Variants in CFTR observed in about 807,000 individuals in gnomAD.
CFTR encodes CF transmembrane conductance regulator, also known as cystic fibrosis transmembrane conductance regulator.
CFTR carries 181 observed loss-of-function variants against 171.6 expected under a neutral mutation model. The observed-to-expected ratio is 1.05, with a 90% CI of 0.93 to 1.19. The LOEUF is 1.19. Ranked by LOEUF, CFTR falls within the 50% of genes most tolerant of loss-of-function variation. CFTR has a pLI of 0.00. For missense variants in CFTR, 1,968 were observed against 1,734.7 expected (o/e 1.13, Z -2.39); for synonymous variants, 583 against 608.0 (o/e 0.96, Z 0.60).
intron 24 of CFTR, among the ~76,000 whole-genome samples, chr7:117,653,609 A>C (rs1334232135): frequency 1.3e-5 from 2 of 152,006 alleles, no homozygotes; most frequent in Non-Finnish European, 2.9e-5. Context: ...TTAACATATG[A>C]ATTTGAGGAG....
chr7:117,607,007 T>C (rs1792310135), intron 18 of CFTR, among the ~76,000 whole-genome samples: 1 of 152,034 alleles, frequency 6.6e-6, no homozygotes, highest in Non-Finnish European at 1.5e-5. Flanking sequence ...TTGGGAGTGA[T>C]TTGAGAGGCA....
Position 117,483,768 on chromosome 7 carries a change from C to A in CFTR, c.53+3621C>A, listed in dbSNP as rs947471808. ...TTTTTAAGTTATATAGAGACAGTAT[C>A]TCACTATGTTGCCCAGGCTGCTCTT... On this transcript the variant is annotated intron_variant, in intron 1 of 26. Transcript: ENST00000003084. Among the ~76,000 whole-genome samples the A allele has an allele frequency of 2.0e-5, 3 of 151,836 alleles. No homozygotes were observed. The East Asian group carries it at 5.8e-4, about 30-fold the overall frequency.
rs116765627 is a variant in CFTR at position 117,655,884 on chromosome 7, A to G, written c.3963+2953A>G. Among the ~76,000 whole-genome samples the G allele has an allele frequency of 1.3e-3, 203 of 152,266 alleles. 1 individual carries two copies. The highest frequency in any genetic ancestry group is 4.7e-3 in the African/African-American group (194 of 41,550). ...TCTCACTGTGTTGTTACATGGCAGA[A>G]GAGTGGGCAGGCTAGCTCTCTGGGA... On this transcript the variant is annotated intron_variant, in intron 24 of 26. Transcript: ENST00000003084.
At chr7:117,624,452 T>A (rs913426788) in intron 21 of CFTR, among the ~76,000 whole-genome samples, 2 of 152,192 alleles carry the variant, frequency 1.3e-5, no homozygotes, top group Non-Finnish European at 2.9e-5. Flanking sequence ...TATCAAGCCA[T>A]CTGTGCATAG....
chr7:117,613,435 ACTAT>A (rs1792435499), intron 20 of CFTR, among the ~76,000 whole-genome samples: 1 of 152,148 alleles, frequency 6.6e-6, no homozygotes, highest in African/African-American at 2.4e-5. Flanking sequence ...ACATTAATTA[ACTAT>A]CTAAGCCCCT....
intron 11 of CFTR, among the ~76,000 whole-genome samples, chr7:117,567,964 G>C (rs1791629987): frequency 6.6e-6 from 1 of 152,188 alleles, no homozygotes; most frequent in South Asian, 2.1e-4. Flanking sequence ...GCTGAGAGAG[G>C]ATGGATAAAC....
At position 117,664,738 on chromosome 7, in the gene CFTR, C is replaced by T; in HGVS notation, c.4014C>T (p.Val1338=). 1.2e-6 allele frequency: 2 copies of T among 1,613,974 alleles called. No individual in the cohort carries two copies. Among genetic ancestry groups the T allele is most frequent in the South Asian group, 2.2e-5 (2 of 91,084 alleles). The part of the protein sequence containing the change: ...IEQFPGKLDF[V]LVDGGCVLSH... Reference sequence around the variant, plus strand: ...AGTTTCCTGGGAAGCTTGACTTTGTCCTTGTGGATGGGGGCTGTGTCCTAA... The same window carrying T: ...AGTTTCCTGGGAAGCTTGACTTTGTTCTTGTGGATGGGGGCTGTGTCCTAA... The change falls in exon 25 of 27, where the codon GTC becomes GTT. Residue 1338 remains valine (V), a synonymous_variant. Coordinates refer to ENST00000003084, the MANE Select transcript of CFTR (RefSeq NM_000492.4).
Position 117,531,040 on chromosome 7 carries a change from C to G in CFTR, c.415C>G (p.His139Asp). 1 of 1,613,796 alleles carries G rather than the reference C, an allele frequency of 6.2e-7. No individual in the cohort carries two copies. Among genetic ancestry groups the G allele is most frequent in the Non-Finnish European group, 8.5e-7 (1 of 1,179,836 alleles). ...CTTTATTGTGAGGACACTGCTCCTA[C>G]ACCCAGCCATTTTTGGCCTTCATCA... Reference protein sequence around the residue: ...LLFIVRTLLLHPAIFGLHHIG... With the variant: ...LLFIVRTLLLDPAIFGLHHIG... Residue 139 changes from histidine (H) to aspartate (D), a missense_variant, in exon 4 of 27, where the codon CAC (histidine) becomes GAC (aspartate). Physicochemically the swap from His to Asp is moderately conservative, Grantham distance 81. Coordinates refer to ENST00000003084, the MANE Select transcript of CFTR (RefSeq NM_000492.4).
At chr7:117,494,952 C>T (rs901092573) in intron 1 of CFTR, among the ~76,000 whole-genome samples, 6 of 152,072 alleles carry the variant, frequency 3.9e-5, no homozygotes, top group African/African-American at 9.7e-5. Flanking sequence ...ACCGTGATGA[C>T]GTTTTGACAG....
chr7:117,559,465 C>T lies in CFTR; in HGVS notation c.1394C>T (p.Thr465Ile). ...AATAATGATGGGTTTTATTTCCAGA[C>T]TTCACTTCTAATGGTGATTATGGGA... ...AVAGSTGAGK[T>I]SLLMVIMGEL... Residue 465 changes from threonine (T) to isoleucine (I), a missense_variant and splice_region_variant, in exon 11 of 27, where the codon ACT becomes ATT. Transcript: ENST00000003084. 1 of 1,596,422 alleles carries T rather than the reference C, an allele frequency of 6.3e-7. No individual in the cohort carries two copies. Among genetic ancestry groups the T allele is most frequent in the Non-Finnish European group, 8.6e-7 (1 of 1,164,550 alleles).
At chr7:117,532,732 T>C (rs762908760) in intron 4 of CFTR, among the ~76,000 whole-genome samples, 1 of 152,172 alleles carries the variant, frequency 6.6e-6, no homozygotes, top group Non-Finnish European at 1.5e-5. Flanking sequence ...ATTGTATCTG[T>C]CTTCCTTTCT....
chr7:117,484,873 T>A (rs1798047483), intron 1 of CFTR, among the ~76,000 whole-genome samples: 1 of 152,110 alleles, frequency 6.6e-6, no homozygotes, highest in African/African-American at 2.4e-5. Flanking sequence ...CTTATATACT[T>A]ATAAGGAATA....
chr7:117,596,374 C>T (rs1792125510), intron 15 of CFTR, among the ~76,000 whole-genome samples: 1 of 152,252 alleles, frequency 6.6e-6, no homozygotes, highest in Non-Finnish European at 1.5e-5. Flanking sequence ...CCTGCCATGC[C>T]TGAGCCTCCC....
At chr7:117,631,337 G>T (rs931005462) in intron 22 of CFTR, among the ~76,000 whole-genome samples, 2 of 152,046 alleles carry the variant, frequency 1.3e-5, no homozygotes, top group South Asian at 4.2e-4. Flanking sequence ...AAATACAGGT[G>T]AATAACATCC....
intron 21 of CFTR, among the ~76,000 whole-genome samples, chr7:117,625,795 T>C (rs563777167): frequency 1.3e-5 from 2 of 152,270 alleles, no homozygotes; most frequent in South Asian, 4.1e-4. Flanking sequence ...TCAATAGTAG[T>C]TGTAATTTTA....
intron 24 of CFTR, among the ~76,000 whole-genome samples, chr7:117,660,654 T>C (rs1046251472): frequency 6.6e-6 from 1 of 150,438 alleles, no homozygotes; most frequent in African/African-American, 2.5e-5. Flanking sequence ...AAAGATTATA[T>C]TGGGGATATA....
intron 1 of CFTR, among the ~76,000 whole-genome samples, chr7:117,486,073 A>C (rs1379388820): frequency 1.3e-5 from 2 of 152,140 alleles, no homozygotes; most frequent in African/African-American, 2.4e-5. Flanking sequence ...ATTCCATCGA[A>C]GTTTTCTTGT....
intron 2 of CFTR, among the ~76,000 whole-genome samples, chr7:117,504,756 TAAAAAAAA>T (rs372341779): frequency 5.0e-5 from 6 of 121,126 alleles, no homozygotes; most frequent in Non-Finnish European, 8.9e-5. Context: ...CCTCTCTCTC[TAAAAAAAA>T]AAAAAAAAAG....
chr7:117,481,927 C>G (rs542891599), intron 1 of CFTR, among the ~76,000 whole-genome samples: 1 of 152,338 alleles, frequency 6.6e-6, no homozygotes, highest in Admixed American at 6.5e-5. Context: ...CTTAACATCT[C>G]TGTGTGTGAC....
Sources: gnomAD v4.1 joint callset for allele counts (sites outside exome capture counted in the v4.1 genomes callset) on GRCh38, gnomAD v4.1.1 for gene constraint, MANE v1.5 for transcripts, NCBI Gene and HGNC (gene_info 2026-07-23, HGNC 2026-07-21) for gene names.